SCN9A: variants seen among roughly 807,000 people sequenced by gnomAD.
The protein encoded by SCN9A is sodium voltage-gated channel alpha subunit 9.
A neutral mutation model predicts 187.0 loss-of-function variants in SCN9A; 131 were observed. The observed-to-expected ratio is 0.70, with a 90% CI of 0.61 to 0.81. The LOEUF is 0.81. SCN9A is among the 30% of genes least tolerant of loss of function. SCN9A has a pLI of 0.00. For missense variants in SCN9A, 2,252 were observed against 2,396.6 expected (o/e 0.94, Z 1.26); for synonymous variants, 809 against 808.6 (o/e 1.00, Z -0.01).
At chr2:166,205,623 C>G (rs147076917) in intron 24 of SCN9A, among the ~76,000 whole-genome samples, 2,273 of 152,206 alleles carry the variant, frequency 0.015, 33 homozygotes, top group South Asian at 0.028. Flanking sequence ...ATGACTAAAA[C>G]ACCAAAAGCA....
chr2:166,370,549 AT>A (rs1178017610), intron 1 of SCN9A, among the ~76,000 whole-genome samples: 35 of 151,474 alleles, frequency 2.3e-4, no homozygotes, highest in Non-Finnish European at 3.4e-4. Flanking sequence ...TCTCAAAAAA[AT>A]AAAAAATAAA....
intron 17 of SCN9A, among the ~76,000 whole-genome samples, chr2:166,267,756 A>G (rs1696804854): frequency 6.6e-6 from 1 of 151,668 alleles, no homozygotes; most frequent in Admixed American, 6.6e-5. Context: ...GGTCTGTTTG[A>G]GTTTTCCATT....
At chr2:166,222,333 A>G (rs1431394214) in intron 24 of SCN9A, among the ~76,000 whole-genome samples, 1 of 152,230 alleles carries the variant, frequency 6.6e-6, no homozygotes, top group Non-Finnish European at 1.5e-5. Flanking sequence ...AAATTCAAAT[A>G]AAAACTGTAA....
intron 24 of SCN9A, among the ~76,000 whole-genome samples, chr2:166,214,233 T>A (rs1206392618): frequency 6.6e-6 from 1 of 152,012 alleles, no homozygotes; most frequent in East Asian, 1.9e-4. Context: ...GAGTTTTCTC[T>A]CAAGTACAAA....
intron 1 of SCN9A, among the ~76,000 whole-genome samples, chr2:166,354,999 A>G (rs1700119162): frequency 6.6e-6 from 1 of 152,084 alleles, no homozygotes; most frequent in South Asian, 2.1e-4. Context: ...GCTGTGGTGC[A>G]ATCATAGCTG....
At chr2:166,353,280 A>C (rs17766038) in intron 1 of SCN9A, among the ~76,000 whole-genome samples, 8,185 of 151,938 alleles carry the variant, frequency 0.054, 283 homozygotes, top group African/African-American at 0.087. Context: ...TAAAACATTT[A>C]GTTGCCTAAC....
At chr2:166,248,702 T>C (rs1695901837) in intron 18 of SCN9A, among the ~76,000 whole-genome samples, 1 of 152,166 alleles carries the variant, frequency 6.6e-6, no homozygotes, top group South Asian at 2.1e-4. Context: ...AGTCTTCCTC[T>C]GTCGTCCAGG....
At chr2:166,230,898 G>A (rs1695054314) in intron 21 of SCN9A, among the ~76,000 whole-genome samples, 1 of 152,142 alleles carries the variant, frequency 6.6e-6, no homozygotes, top group South Asian at 2.1e-4. Flanking sequence ...TGAGAAGCCA[G>A]TTGGGAAAGC....
intron 1 of SCN9A, among the ~76,000 whole-genome samples, chr2:166,362,580 A>T (rs1197645526): frequency 6.6e-6 from 1 of 152,040 alleles, no homozygotes; most frequent in Non-Finnish European, 1.5e-5. Flanking sequence ...TAACAATCAC[A>T]GGATCACAAA....
At chr2:166,272,962 T>A in intron 16 of SCN9A, 87 bp from the exon 17 acceptor site, 1 of 599,862 alleles carries the variant, frequency 1.7e-6, no homozygotes, top group Non-Finnish European at 2.7e-6. Context: ...TTTCCGAATA[T>A]AGGCCACAAT....
intron 17 of SCN9A, among the ~76,000 whole-genome samples, chr2:166,253,309 T>C (rs998667841): frequency 6.6e-6 from 1 of 151,870 alleles, no homozygotes; most frequent in East Asian, 1.9e-4. Context: ...CCAATCTATG[T>C]TGGCCTAGAG....
intron 24 of SCN9A, among the ~76,000 whole-genome samples, chr2:166,210,473 TA>T (rs201071860): frequency 1.1e-4 from 5 of 47,072 alleles, no homozygotes; most frequent in Admixed American, 6.4e-4. Context: ...AAAATAAAAA[TA>T]AAAAAATAAA....
intron 9 of SCN9A, among the ~76,000 whole-genome samples, chr2:166,292,967 A>G (rs1414597318): frequency 6.6e-6 from 1 of 152,134 alleles, no homozygotes; most frequent in African/African-American, 2.4e-5. Flanking sequence ...CCTGGTACTT[A>G]ACTAGGACCC....
At chr2:166,344,927 TTTG>T (rs1267648573) in intron 1 of SCN9A, among the ~76,000 whole-genome samples, 4 of 152,204 alleles carry the variant, frequency 2.6e-5, no homozygotes, top group Non-Finnish European at 5.9e-5. Context: ...AATCATGTCC[TTTG>T]TTATCTTTGC....
chr2:166,248,483 C>G (rs1695892257), intron 18 of SCN9A, among the ~76,000 whole-genome samples: 7 of 152,138 alleles, frequency 4.6e-5, no homozygotes. Context: ...TCACCTCTCA[C>G]CTGGATTTAT....
chr2:166,346,836 G>T (rs1699912726), intron 1 of SCN9A, among the ~76,000 whole-genome samples: 1 of 152,170 alleles, frequency 6.6e-6, no homozygotes, highest in African/African-American at 2.4e-5. Context: ...GTGATAGTAG[G>T]TGAAAAGCCA....
intron 1 of SCN9A, among the ~76,000 whole-genome samples, chr2:166,328,331 T>G (rs1009877178): frequency 1.1e-4 from 17 of 152,082 alleles, no homozygotes; most frequent in Non-Finnish European, 2.9e-5. Flanking sequence ...CATGGGGGTT[T>G]GTTTTACAGC....
intron 1 of SCN9A, among the ~76,000 whole-genome samples, chr2:166,340,911 TC>T (rs1356401188): frequency 3.0e-4 from 45 of 152,206 alleles, no homozygotes; most frequent in African/African-American, 1.0e-3. Context: ...GCATGAGCCG[TC>T]CTGCCTGGCT....
At chr2:166,306,739 G>A (rs1698771160) in intron 3 of SCN9A, 140 bp from the exon 4 acceptor site, 8 of 711,288 alleles carry the variant, frequency 1.1e-5, no homozygotes, top group Non-Finnish European at 2.0e-5. Context: ...CTTTGAACAA[G>A]AGAGTAATAA....
Sources: allele counts gnomAD v4.1 joint callset (sites outside exome capture counted in the v4.1 genomes callset), GRCh38; gene constraint gnomAD v4.1.1; transcripts MANE v1.5; gene names NCBI Gene and HGNC (gene_info 2026-07-23, HGNC 2026-07-21).